The following OR7C1 variants were observed in gnomAD, a reference collection of about 807,000 sequenced individuals.
OR7C1 encodes olfactory receptor 7C1.
For synonymous variants in OR7C1, 152 were observed against 160.7 expected (o/e 0.95, Z 0.41); for missense variants, 324 against 383.3 (o/e 0.85, Z 1.29).
chr19:14,799,699 C>G (rs2044630164), exon 5 of OR7C1: 1 of 1,614,062 alleles, frequency 6.2e-7, no homozygotes, highest in East Asian at 2.2e-5. Flanking sequence ...ACCAGGACCC[C>G]AGAACCAGCA....
At chr19:14,814,951 A>G (rs2044709488) in intron 1 of OR7C1, among the ~76,000 whole-genome samples, 1 of 152,244 alleles carries the variant, frequency 6.6e-6, no homozygotes, top group Admixed American at 6.5e-5. Context: ...AATTATAAGC[A>G]GGGCCTAACG....
chr19:14,831,143 G>A (rs1250295418), intron 1 of OR7C1, among the ~76,000 whole-genome samples: 1 of 152,052 alleles, frequency 6.6e-6, no homozygotes, highest in Non-Finnish European at 1.5e-5. Context: ...CATGATGCCG[G>A]CCCCAGATAG....
At chr19:14,813,324 G>T (rs2145061354) in intron 1 of OR7C1, among the ~76,000 whole-genome samples, 1 of 152,216 alleles carries the variant, frequency 6.6e-6, no homozygotes, top group East Asian at 1.9e-4. Context: ...GGAGGCTGAG[G>T]TGGGCGGATC....
chr19:14,806,825 A>G (rs928243947), intron 2 of OR7C1, among the ~76,000 whole-genome samples: 1 of 151,964 alleles, frequency 6.6e-6, no homozygotes, highest in African/African-American at 2.4e-5. Flanking sequence ...TGATATTGTG[A>G]ATAGTGCTGC....
intron 1 of OR7C1, among the ~76,000 whole-genome samples, 178 bp downstream of exon 1, chr19:14,834,896 T>G (rs1442018498): frequency 1.3e-5 from 2 of 152,224 alleles, no homozygotes; most frequent in Non-Finnish European, 2.9e-5. Context: ...TCACTTTTCT[T>G]TTTTTGCATC....
chr19:14,811,616 G>C (rs979833054), intron 1 of OR7C1, among the ~76,000 whole-genome samples: 3 of 151,572 alleles, frequency 2.0e-5, no homozygotes. Flanking sequence ...CAAACTTACT[G>C]TGCTCAAATA....
At chr19:14,806,527 G>A (rs1187269650) in intron 2 of OR7C1, among the ~76,000 whole-genome samples, 3 of 151,840 alleles carry the variant, frequency 2.0e-5, no homozygotes, top group African/African-American at 7.3e-5. Context: ...ATCCTGATGC[G>A]CTCCCTCTGC....
intron 1 of OR7C1, among the ~76,000 whole-genome samples, chr19:14,823,272 G>A (rs113101291): frequency 0.11 from 17,119 of 149,728 alleles, 1,283 homozygotes; most frequent in East Asian, 0.39. Context: ...GGCAAACATG[G>A]CGAAACCCCA....
intron 1 of OR7C1, chr19:14,827,858 G>T: frequency 2.5e-6 from 4 of 1,614,196 alleles, no homozygotes; most frequent in Non-Finnish European, 3.4e-6. Flanking sequence ...AGTGCAGGGG[G>T]TGACAGATGG....
Position 14,818,062 on chromosome 19 carries a change from T to TTTTATTTTATTTATTTA in OR7C1, c.-622-8070_-622-8069insTAAATAAATAAAATAAA, listed in dbSNP as rs1555695178. ...GTTAATAAGTCATACATTTTATTTA[T>TTTTATTTTATTTATTTA]TTTATTTATTTATTTATTTATTTAT... On this transcript the variant is annotated intron_variant, in intron 1 of 4. Coordinates refer to ENST00000641666, the Ensembl canonical transcript of OR7C1. 4.8e-3 allele frequency among the ~76,000 whole-genome samples: 672 copies of TTTTATTTTATTTATTTA among 139,454 alleles called. 3 individuals are homozygous for TTTTATTTTATTTATTTA. Among genetic ancestry groups the TTTTATTTTATTTATTTA allele is most frequent in the East Asian group, 0.021 (101 of 4,768 alleles). 91.5% of individuals were successfully genotyped at this position (139,454 alleles called of 152,430 possible).
At chr19:14,803,907 C>G (rs2044654298) in intron 2 of OR7C1, among the ~76,000 whole-genome samples, 1 of 152,000 alleles carries the variant, frequency 6.6e-6, no homozygotes. Flanking sequence ...GACGGGGTTT[C>G]ACCGTGTTAG....
At chr19:14,817,857 C>T (rs756261791) in intron 1 of OR7C1, among the ~76,000 whole-genome samples, 1 of 152,006 alleles carries the variant, frequency 6.6e-6, no homozygotes, top group Non-Finnish European at 1.5e-5. Context: ...AACATCAGTT[C>T]ATAGTCAAGG....
chr19:14,810,467 C>A (rs2044685841), intron 1 of OR7C1, among the ~76,000 whole-genome samples: 1 of 151,740 alleles, frequency 6.6e-6, no homozygotes, highest in Middle Eastern at 3.2e-3. Flanking sequence ...GCAAGCTCCA[C>A]CTCCCGGGTT....
chr19:14,810,546 ATTT>A (rs71168507), intron 1 of OR7C1, among the ~76,000 whole-genome samples: 5 of 137,230 alleles, frequency 3.6e-5, no homozygotes, highest in Non-Finnish European at 3.1e-5. Context: ...TGCCCGGCTA[ATTT>A]TTTTTTTTTT....
intron 1 of OR7C1, among the ~76,000 whole-genome samples, chr19:14,832,887 A>G (rs967681423): frequency 6.6e-6 from 1 of 151,846 alleles, no homozygotes; most frequent in Admixed American, 6.5e-5. Flanking sequence ...CTATAATAAT[A>G]ATTTAATCAT....
chr19:14,800,727 C>T (rs1413403591), exon 3 of OR7C1: 1 of 152,288 alleles, frequency 6.6e-6, no homozygotes, highest in Non-Finnish European at 1.5e-5. Flanking sequence ...CTTCCCTTCT[C>T]TTTGTCAGCC....
intron 1 of OR7C1, among the ~76,000 whole-genome samples, chr19:14,833,034 A>C (rs2044849424): frequency 6.6e-6 from 1 of 152,242 alleles, no homozygotes; most frequent in Admixed American, 6.5e-5. Flanking sequence ...CTCAGTATAC[A>C]TGGGCATTTA....
At chr19:14,812,355 G>A (rs1292068680) in intron 1 of OR7C1, among the ~76,000 whole-genome samples, 2 of 152,196 alleles carry the variant, frequency 1.3e-5, no homozygotes, top group Non-Finnish European at 2.9e-5. Flanking sequence ...CCCAAAACCA[G>A]GCCTGGGCCT....
intron 1 of OR7C1, among the ~76,000 whole-genome samples, chr19:14,812,031 T>C (rs1290206780): frequency 6.6e-6 from 1 of 151,908 alleles, no homozygotes; most frequent in African/African-American, 2.4e-5. Flanking sequence ...CTGGTGTGTG[T>C]TGTTCAGTCT....
Sources: gnomAD v4.1 joint callset for allele counts (sites outside exome capture counted in the v4.1 genomes callset) on GRCh38, gnomAD v4.1.1 for gene constraint, MANE v1.5 for transcripts, NCBI Gene and HGNC (gene_info 2026-07-23, HGNC 2026-07-21) for gene names.